CSMD1: variants seen among roughly 807,000 people sequenced by gnomAD.
CSMD1 encodes the protein CUB and Sushi multiple domains 1, also known as CUB and sushi domain-containing protein 1.
Under a neutral mutation model 417.5 loss-of-function variants are expected in CSMD1, and 213 were observed. The ratio of observed to expected loss-of-function variants is 0.51; its 90% CI spans 0.46 to 0.57. The LOEUF (loss-of-function observed/expected upper bound fraction) is 0.57. Ranked by LOEUF, CSMD1 falls within the 20% of genes least tolerant of loss-of-function variation. The pLI is 0.00. For missense variants in CSMD1, 6,923 were observed against 4,529.7 expected, an observed-to-expected ratio of 1.53 and a Z score of -15.17; for synonymous variants, 2,862 against 1,736.8, an observed-to-expected ratio of 1.65 and a Z score of -16.11.
At chr8:3,717,925 G>C (rs570262883) in intron 6 of CSMD1, among the ~76,000 whole-genome samples, 2 of 152,030 alleles carry the variant, frequency 1.3e-5, no homozygotes, top group African/African-American at 2.4e-5. Context: ...GAATTCTTTA[G>C]TCAAGGCTGT....
intron 33 of CSMD1, among the ~76,000 whole-genome samples, chr8:3,191,862 G>C (rs1285427651): frequency 6.6e-6 from 1 of 152,140 alleles, no homozygotes; most frequent in African/African-American, 2.4e-5. Flanking sequence ...CTGTCTCTGG[G>C]ATTCTATCCT....
intron 3 of CSMD1, among the ~76,000 whole-genome samples, chr8:4,114,949 A>G (rs1362019291): frequency 1.3e-5 from 2 of 152,230 alleles, no homozygotes; most frequent in African/African-American, 4.8e-5. Context: ...CCTGGTAAAG[A>G]TGCCATAAAC....
intron 41 of CSMD1, among the ~76,000 whole-genome samples, chr8:3,138,043 G>A (rs1027680506): frequency 6.6e-6 from 1 of 152,104 alleles, no homozygotes; most frequent in Non-Finnish European, 1.5e-5. Flanking sequence ...TGGCCAACAT[G>A]GGTGAAACCC....
At chr8:3,458,664 T>C (rs1049331926) in intron 12 of CSMD1, among the ~76,000 whole-genome samples, 2 of 152,196 alleles carry the variant, frequency 1.3e-5, no homozygotes, top group Admixed American at 6.5e-5. Context: ...AAGAAAACAA[T>C]AGCAACAATG....
chr8:3,335,326 T>A (rs1280724253), intron 23 of CSMD1, among the ~76,000 whole-genome samples: 1 of 152,164 alleles, frequency 6.6e-6, no homozygotes, highest in Non-Finnish European at 1.5e-5. Flanking sequence ...TTCCCCTCCA[T>A]CACACACAGC....
chr8:4,751,838 T>G (rs535742091), intron 1 of CSMD1, among the ~76,000 whole-genome samples: 93 of 152,310 alleles, frequency 6.1e-4, no homozygotes, highest in African/African-American at 2.1e-3. Flanking sequence ...TTTCATGTTC[T>G]CTGTCCGAAA....
intron 3 of CSMD1, among the ~76,000 whole-genome samples, chr8:4,295,686 A>G (rs985088914): frequency 2.1e-5 from 3 of 142,520 alleles, no homozygotes; most frequent in South Asian, 2.1e-4. Flanking sequence ...TATATTATAC[A>G]TGTTATATAT....
intron 32 of CSMD1, 88 bp from the exon 33 acceptor site, chr8:3,199,897 T>C: frequency 2.8e-6 from 2 of 716,444 alleles, no homozygotes; most frequent in Non-Finnish European, 4.7e-6. Flanking sequence ...AAGTTGAAAT[T>C]TCACATTTAT....
At chr8:3,644,316 G>C (rs1027393335) in intron 7 of CSMD1, among the ~76,000 whole-genome samples, 2 of 152,212 alleles carry the variant, frequency 1.3e-5, no homozygotes, top group Non-Finnish European at 2.9e-5. Context: ...TTTGCTGAAA[G>C]CATAGGTCTT....
rs1351155035 is a variant in CSMD1 at position 4,881,324 on chromosome 8, TA to T, written c.85+113007del. Among the ~76,000 whole-genome samples, 116 of 152,184 alleles carry T rather than the reference TA, an allele frequency of 7.6e-4. 1 individual carries two copies. Among genetic ancestry groups the T allele is most frequent in the Non-Finnish European group, 5.1e-4 (35 of 68,028 alleles). ...GTGACAATGCATTTTTTTATTTGAA[TA>T]CATAATAACTAATATACTATGGTTA... On this transcript the variant is annotated intron_variant, in intron 1 of 69. Transcript: ENST00000635120.
chr8:3,768,516 C>G (rs1211599474), intron 5 of CSMD1, among the ~76,000 whole-genome samples: 3 of 152,102 alleles, frequency 2.0e-5, no homozygotes, highest in East Asian at 3.9e-4. Context: ...TATAAAATAG[C>G]ATGAGACAAT....
chr8:3,954,421 G>A (rs1811797206), intron 5 of CSMD1, among the ~76,000 whole-genome samples: 1 of 152,100 alleles, frequency 6.6e-6, no homozygotes, highest in African/African-American at 2.4e-5. Flanking sequence ...GGAGTGCAGT[G>A]GCGGTGGTGA....
chr8:4,749,650 T>C (rs1811178791), intron 1 of CSMD1, among the ~76,000 whole-genome samples: 2 of 152,204 alleles, frequency 1.3e-5, no homozygotes, highest in Admixed American at 1.3e-4. Flanking sequence ...CTTTAATAAT[T>C]CCAGTTTAGT....
chr8:3,984,921 G>C (rs892248757), intron 5 of CSMD1, among the ~76,000 whole-genome samples: 4 of 151,772 alleles, frequency 2.6e-5, no homozygotes, highest in African/African-American at 9.7e-5. Context: ...CTTCATTGTA[G>C]TTCATTATAA....
chr8:4,015,428 T>C (rs1796474178), intron 4 of CSMD1, among the ~76,000 whole-genome samples: 1 of 152,114 alleles, frequency 6.6e-6, no homozygotes, highest in African/African-American at 2.4e-5. Flanking sequence ...TCATATAGAA[T>C]TGGCAAGTGA....
At chr8:3,543,161 C>T (rs1798515048) in intron 10 of CSMD1, among the ~76,000 whole-genome samples, 1 of 152,174 alleles carries the variant, frequency 6.6e-6, no homozygotes, top group Non-Finnish European at 1.5e-5. Flanking sequence ...AAAGTCAATA[C>T]CCTGAGACCC....
intron 11 of CSMD1, among the ~76,000 whole-genome samples, chr8:3,478,362 C>A (rs999152358): frequency 6.6e-6 from 1 of 152,196 alleles, no homozygotes; most frequent in Non-Finnish European, 1.5e-5. Context: ...TTACAGATTT[C>A]CTTTACTGAG....
intron 52 of CSMD1, among the ~76,000 whole-genome samples, chr8:3,005,768 A>G (rs1387332208): frequency 1.3e-5 from 2 of 152,120 alleles, no homozygotes; most frequent in East Asian, 3.9e-4. Context: ...GATGGGATGT[A>G]TCTCAAAATA....
At chr8:4,126,815 G>A (rs985551303) in intron 3 of CSMD1, among the ~76,000 whole-genome samples, 2 of 152,130 alleles carry the variant, frequency 1.3e-5, no homozygotes, top group Non-Finnish European at 2.9e-5. Context: ...CCTAACCTGG[G>A]GTAGGAGATG....
Sources: allele counts gnomAD v4.1 joint callset (sites outside exome capture counted in the v4.1 genomes callset), GRCh38; gene constraint gnomAD v4.1.1; transcripts MANE v1.5; gene names NCBI Gene and HGNC (gene_info 2026-07-23, HGNC 2026-07-21).